OTUB2: variants seen among roughly 807,000 people sequenced by gnomAD.
OTUB2 encodes ubiquitin thioesterase OTUB2.
OTUB2 carries 21 observed loss-of-function variants against 25.1 expected under a neutral mutation model. The observed-to-expected ratio is 0.84, with a 90% CI of 0.59 to 1.21. The LOEUF is 1.21. Ranked by LOEUF, OTUB2 falls within the 50% of genes most tolerant of loss-of-function variation. OTUB2 has a pLI of 0.00. For missense variants in OTUB2, 283 were observed against 298.0 expected (o/e 0.95, Z 0.37); for synonymous variants, 122 against 122.8 (o/e 0.99, Z 0.04).
At chr14:94,041,512 G>A (rs1307408630) in intron 3 of OTUB2, among the ~76,000 whole-genome samples, 1 of 151,800 alleles carries the variant, frequency 6.6e-6, no homozygotes, top group Admixed American at 6.6e-5. Context: ...TGCCTAGGCT[G>A]GCCTCGAACT....
chr14:94,030,675 G>A (rs1884944251), intron 1 of OTUB2, among the ~76,000 whole-genome samples: 1 of 152,146 alleles, frequency 6.6e-6, no homozygotes, highest in Admixed American at 6.5e-5. Context: ...TGATGTCCAC[G>A]TCCTAATCCC....
intron 1 of OTUB2, among the ~76,000 whole-genome samples, chr14:94,027,309 T>C (rs892457655): frequency 8.5e-5 from 13 of 152,162 alleles, no homozygotes; most frequent in African/African-American, 3.1e-4. Context: ...CAGTGCTCTT[T>C]GTGTTACATC....
chr14:94,034,606 G>C (rs1885016822), intron 1 of OTUB2, among the ~76,000 whole-genome samples: 1 of 152,230 alleles, frequency 6.6e-6, no homozygotes, highest in Admixed American at 6.5e-5. Context: ...ATGGGGACGT[G>C]TCAGCCTCTC....
intron 1 of OTUB2, among the ~76,000 whole-genome samples, chr14:94,035,399 C>G (rs1176707664): frequency 6.8e-6 from 1 of 147,322 alleles, no homozygotes; most frequent in East Asian, 2.1e-4. Flanking sequence ...AAGAAATTCT[C>G]TACCTCAGCC....
intron 1 of OTUB2, among the ~76,000 whole-genome samples, chr14:94,035,673 G>A (rs928564852): frequency 6.6e-6 from 1 of 152,170 alleles, no homozygotes; most frequent in East Asian, 1.9e-4. Flanking sequence ...ATGTCGGGGG[G>A]AGATCATGTT....
chr14:94,027,352 A>G (rs904606126), intron 1 of OTUB2, among the ~76,000 whole-genome samples: 1 of 152,184 alleles, frequency 6.6e-6, no homozygotes, highest in Non-Finnish European at 1.5e-5. Context: ...GGGGTCAGGC[A>G]TCCTGCAGGG....
At chr14:94,040,661 A>G (rs1465496638) in intron 3 of OTUB2, among the ~76,000 whole-genome samples, 1 of 152,200 alleles carries the variant, frequency 6.6e-6, no homozygotes, top group Non-Finnish European at 1.5e-5. Flanking sequence ...TCCAGTCAGC[A>G]CACACGGGTG....
chr14:94,030,898 G>A (rs529762129), intron 1 of OTUB2, among the ~76,000 whole-genome samples: 1 of 152,286 alleles, frequency 6.6e-6, no homozygotes, highest in Non-Finnish European at 1.5e-5. Context: ...CTCCTCTAGA[G>A]CCCACAGAAG....
At chr14:94,042,298 C>T (rs4243703) in intron 3 of OTUB2, among the ~76,000 whole-genome samples, 52,861 of 151,578 alleles carry the variant, frequency 0.35, 9,254 homozygotes, top group Admixed American at 0.4. Flanking sequence ...CTTGCACCCC[C>T]TCCAAGCCCC....
chr14:94,037,639 C>G (rs1885082260), intron 2 of OTUB2, among the ~76,000 whole-genome samples, 164 bp downstream of exon 2: 1 of 148,726 alleles, frequency 6.7e-6, no homozygotes, highest in South Asian at 2.2e-4. Context: ...AGCGATAAAT[C>G]CTTTCATTCC....
At chr14:94,040,353 A>T (rs888691311) in intron 3 of OTUB2, among the ~76,000 whole-genome samples, 1 of 152,174 alleles carries the variant, frequency 6.6e-6, no homozygotes, top group African/African-American at 2.4e-5. Context: ...AGCACAGTGC[A>T]GGGATTATGA....
At chr14:94,036,529 T>C (rs1033463689) in intron 1 of OTUB2, among the ~76,000 whole-genome samples, 16 of 152,102 alleles carry the variant, frequency 1.1e-4, no homozygotes, top group Admixed American at 3.3e-4. Context: ...GCTGACAAGA[T>C]AGCACAAGGC....
At chr14:94,044,198 C>A in intron 4 of OTUB2, 143 bp downstream of exon 4, 1 of 842,866 alleles carries the variant, frequency 1.2e-6, no homozygotes, top group Non-Finnish European at 2.0e-6. Context: ...GGTGTGTGGG[C>A]ACAGGGAGCC....
chr14:94,036,474 G>C (rs562494189), intron 1 of OTUB2, among the ~76,000 whole-genome samples: 1 of 152,146 alleles, frequency 6.6e-6, no homozygotes, highest in African/African-American at 2.4e-5. Context: ...AGCGGCTCTG[G>C]GTGGGTTGGA....
chr14:94,037,790 C>G (rs4905144), intron 2 of OTUB2, among the ~76,000 whole-genome samples: 69,852 of 152,062 alleles, frequency 0.46, 16,190 homozygotes, highest in African/African-American at 0.5. Context: ...CTGAGGCACA[C>G]AAATTAAGTG....
chr14:94,030,312 C>T (rs1432032149), intron 1 of OTUB2, among the ~76,000 whole-genome samples: 1 of 150,166 alleles, frequency 6.7e-6, no homozygotes, highest in East Asian at 2.0e-4. Flanking sequence ...TTGGCATCAG[C>T]TCTGCTTGGA....
At chr14:94,026,908 C>T (rs576033437) in intron 1 of OTUB2, among the ~76,000 whole-genome samples, 18 of 152,324 alleles carry the variant, frequency 1.2e-4, no homozygotes, top group African/African-American at 4.3e-4. Context: ...TAAGTAGCCC[C>T]CCAGTCAGCA....
At chr14:94,028,198 T>A (rs1174400890) in intron 1 of OTUB2, among the ~76,000 whole-genome samples, 1 of 152,240 alleles carries the variant, frequency 6.6e-6, no homozygotes, top group Non-Finnish European at 1.5e-5. Flanking sequence ...CACTAAAATA[T>A]GACGTCTGTC....
chr14:94,026,872 A>G (rs1217563095), intron 1 of OTUB2, among the ~76,000 whole-genome samples: 3 of 152,194 alleles, frequency 2.0e-5, no homozygotes, highest in African/African-American at 7.2e-5. Context: ...GGGAGGCTGC[A>G]GCACTACGGG....
Sources: gnomAD v4.1 joint callset for allele counts (sites outside exome capture counted in the v4.1 genomes callset) on GRCh38, gnomAD v4.1.1 for gene constraint, MANE v1.5 for transcripts, NCBI Gene and HGNC (gene_info 2026-07-23, HGNC 2026-07-21) for gene names.